PAQR3: variants seen among roughly 807,000 people sequenced by gnomAD.
PAQR3 encodes Raf kinase trapping to Golgi.
Under a neutral mutation model 41.7 loss-of-function variants are expected in PAQR3, and 39 were observed. That is an observed-to-expected ratio of 0.93 (90% CI 0.72 to 1.22). The LOEUF (loss-of-function observed/expected upper bound fraction) is 1.22. Among genes scored for constraint, PAQR3 ranks in the 50% most tolerant of loss-of-function variants. The probability of loss-of-function intolerance (pLI) is 0.00; values close to 1 mark genes in which losing one functional copy is unlikely to be tolerated. For synonymous variants in PAQR3, 140 were observed against 140.6 expected (o/e 1.00, Z 0.03); for missense variants, 366 against 385.6 (o/e 0.95, Z 0.42).
At chr4:78,930,899 T>C (rs1271633555) in intron 2 of PAQR3, among the ~76,000 whole-genome samples, 3 of 146,256 alleles carry the variant, frequency 2.1e-5, no homozygotes, top group Admixed American at 6.8e-5. Context: ...TATATATATA[T>C]ATATATACAC....
chr4:78,917,631 G>A lies in PAQR3; in HGVS notation c.*2908C>T, dbSNP rs1402645242. On this transcript the variant is annotated 3_prime_UTR_variant, in exon 6 of 6. Coordinates refer to ENST00000512733, the MANE Select transcript of PAQR3 (RefSeq NM_001040202.2). ...TGATTCTTTACACACTTGGGCAGAA[G>A]TAGAATTCCCAGGAATGATGATTTA... is the stretch of plus-strand genomic sequence containing the variant. The A allele has an allele frequency of 1.0e-5, 2 of 192,036 alleles. No individual in the cohort carries two copies. Among genetic ancestry groups the A allele is most frequent in the African/African-American group, 4.8e-5 (2 of 42,040 alleles). 11.9% of individuals were successfully genotyped at this position (192,036 alleles called of 1,614,324 possible).
intron 11 of PAQR3, among the ~76,000 whole-genome samples, chr4:78,893,100 C>T (rs1733527760): frequency 6.6e-6 from 1 of 152,120 alleles, no homozygotes; most frequent in Non-Finnish European, 1.5e-5. Flanking sequence ...GAGTTAATTC[C>T]CTCAAACCAT....
At chr4:78,910,481 A>T (rs1466134589), downstream of PAQR3, 5 of 775,014 alleles carry the variant, frequency 6.5e-6, no homozygotes, top group Non-Finnish European at 1.0e-5. Flanking sequence ...AATTGACAAC[A>T]TTATTTTTTC....
At chr4:78,911,748 C>A, downstream of PAQR3, 1 of 1,613,986 alleles carries the variant, frequency 6.2e-7, no homozygotes, top group Non-Finnish European at 8.5e-7. Context: ...GCCTGTTGGA[C>A]CCCTTCGGTG....
Position 78,919,955 on chromosome 4 carries a change from A to G in PAQR3, c.*584T>C, listed in dbSNP as rs1735494371. ...CAGAAGTTTAAAGCTTTTGTTCTGGAAAACTAAAATATCTAATGTTCTTAG... is the reference window on the plus strand; with the variant it reads ...CAGAAGTTTAAAGCTTTTGTTCTGGGAAACTAAAATATCTAATGTTCTTAG... On this transcript the variant is annotated 3_prime_UTR_variant, in exon 6 of 6. Transcript: ENST00000512733. 1.0e-5 allele frequency: 10 copies of G among 985,320 alleles called. No homozygotes were observed. The highest frequency in any genetic ancestry group is 9.4e-5 in the South Asian group (2 of 21,272). The allele number at this position is 985,320 out of a possible 1,614,324, so 61.0% of individuals were successfully genotyped here. A position where few individuals can be genotyped will look rare whatever the true frequency, so the allele number is the denominator to read the frequency against.
At position 78,926,584 on chromosome 4, in the gene PAQR3, A is replaced by G; in HGVS notation, c.639T>C (p.Tyr213=). 1 of 1,614,052 alleles carries G rather than the reference A, an allele frequency of 6.2e-7. No individual in the cohort carries two copies. Among genetic ancestry groups the G allele is most frequent in the Non-Finnish European group, 8.5e-7 (1 of 1,179,946 alleles). ...RSIIFCSVSG[Y]GVIPTLHWVW... ...CCCAGTGAAGAGTAGGAATCACTCC[A>G]TATCCCGAAACAGAACAAAAGATGA... is the stretch of plus-strand genomic sequence containing the variant. Residue 213 remains tyrosine, a synonymous_variant, in exon 4 of 6, where the codon TAT becomes TAC. Transcript: ENST00000512733.
chr4:78,923,930 T>C lies in PAQR3; in HGVS notation c.720A>G (p.Val240=). 6.2e-7 allele frequency: 1 copy of C among 1,613,118 alleles called. No individual in the cohort carries two copies. Among genetic ancestry groups the C allele is most frequent in the Non-Finnish European group, 8.5e-7 (1 of 1,179,238 alleles). The change falls in exon 5 of 6, where the codon GTA becomes GTG. Residue 240 remains valine (V), a synonymous_variant. Transcript: ENST00000512733. ...APIVQDFAPR[V]IVMYMIALLA... ...GAAGAGCAATCATATACATCACAAT[T>C]ACACGGGGTGCAAAGTCCTGAAAAG...
Position 78,916,134 on chromosome 4 carries a change from T to C in PAQR3, c.*4405A>G, listed in dbSNP as rs1735042900. On this transcript the variant is annotated 3_prime_UTR_variant, in exon 6 of 6. Transcript: ENST00000512733. ...ATATAGCTGGGAAACAATTATGAGA[T>C]AGACTCAGTCTCCCCCTCCCACCCC... 6.6e-6 allele frequency: 1 copy of C among 151,918 alleles called. No individual in the cohort carries two copies. Among genetic ancestry groups the C allele is most frequent in the African/African-American group, 2.4e-5 (1 of 41,420 alleles). The allele number at this position is 151,918 out of a possible 1,614,324, so 9.4% of individuals were successfully genotyped here. A position where few individuals can be genotyped will look rare whatever the true frequency, so the allele number is the denominator to read the frequency against.
downstream of PAQR3, among the ~76,000 whole-genome samples, chr4:78,907,612 C>T (rs754214281): frequency 3.3e-5 from 5 of 152,138 alleles, no homozygotes; most frequent in Non-Finnish European, 7.4e-5. Flanking sequence ...GTAGTGAAGA[C>T]AATTTGGGAA....
rs915805931 is a variant in PAQR3 at position 78,917,254 on chromosome 4, A to G, written c.*3285T>C. 6.6e-6 allele frequency: 1 copy of G among 151,962 alleles called. No individual in the cohort carries two copies. The highest frequency in any genetic ancestry group is 1.5e-5 in the Non-Finnish European group (1 of 67,888). The allele number at this position is 151,962 out of a possible 1,614,324, so 9.4% of individuals were successfully genotyped here. ...AGCTTGAGCTTGTATTTGTTGTTAC[A>G]TATTAAATGAGATAGTTCAGATGGT... On this transcript the variant is annotated 3_prime_UTR_variant, in exon 6 of 6. Coordinates refer to ENST00000512733, the MANE Select transcript of PAQR3 (RefSeq NM_001040202.2).
rs1255423153 is a variant in PAQR3 at position 78,918,927 on chromosome 4, C to A, written c.*1612G>T. 4.1e-6 allele frequency: 4 copies of A among 984,870 alleles called. No homozygotes were observed. Among genetic ancestry groups the A allele is most frequent in the Non-Finnish European group, 4.8e-6 (4 of 829,712 alleles). The allele number at this position is 984,870 out of a possible 1,614,324, so 61.0% of individuals were successfully genotyped here. On this transcript the variant is annotated 3_prime_UTR_variant, in exon 6 of 6. Coordinates refer to ENST00000512733, the MANE Select transcript of PAQR3 (RefSeq NM_001040202.2). Reference sequence around the variant, plus strand: ...ATCTTCTATCACTTAACATATGGATCAAAATTTTAACCTTATAAGGTAAAA... The same window carrying A: ...ATCTTCTATCACTTAACATATGGATAAAAATTTTAACCTTATAAGGTAAAA...
chr4:78,910,591 T>C (rs766720967), downstream of PAQR3: 40 of 1,482,202 alleles, frequency 2.7e-5, no homozygotes, highest in South Asian at 5.5e-4. Context: ...GCTGTAATAA[T>C]ATTTATTTGA....
At chr4:78,906,767 A>G (rs920436916) in intron 10 of PAQR3, among the ~76,000 whole-genome samples, 1 of 152,104 alleles carries the variant, frequency 6.6e-6, no homozygotes, top group Non-Finnish European at 1.5e-5. Context: ...AAAATAATTG[A>G]ATTTGGCCAT....
intron 2 of PAQR3, among the ~76,000 whole-genome samples, chr4:78,934,013 A>G (rs574973570): frequency 6.6e-6 from 1 of 152,328 alleles, no homozygotes; most frequent in African/African-American, 2.4e-5. Context: ...AAATTGATTC[A>G]TTTCCATTAT....
downstream of PAQR3, chr4:78,910,999 T>A (rs548889565): frequency 1.9e-4 from 312 of 1,613,666 alleles, no homozygotes; most frequent in Non-Finnish European, 2.5e-4. Flanking sequence ...TGACATGAGC[T>A]CTGTCTACAG....
At chr4:78,911,270 A>G, downstream of PAQR3, 6 of 1,614,002 alleles carry the variant, frequency 3.7e-6, no homozygotes, top group Non-Finnish European at 5.1e-6. Context: ...AAGAAGGTGA[A>G]TGTACAAGAA....
rs528193102 is a variant in PAQR3, at chr4:78,937,486, CA to C, written c.185+1553del. On this transcript the variant is annotated intron_variant, in intron 1 of 5. Coordinates refer to ENST00000512733, the MANE Select transcript of PAQR3 (RefSeq NM_001040202.2). Reference sequence around the variant, plus strand: ...TTCGTATTCTGTTCAGTTTTAAAATCAAATAATCATCTTCATTATCATCATC... The same window carrying C: ...TTCGTATTCTGTTCAGTTTTAAAATCAATAATCATCTTCATTATCATCATC... Among the ~76,000 whole-genome samples the C allele has an allele frequency of 2.6e-3, 394 of 152,306 alleles. 1 individual carries two copies. Among genetic ancestry groups the C allele is most frequent in the Non-Finnish European group, 4.4e-3 (302 of 68,020 alleles).
Position 78,913,355 on chromosome 4 carries a change from C to T in PAQR3, c.*7184G>A, listed in dbSNP as rs779270327. ...ATTTGCCTTTTTTTACACCACAAAT[C>T]CTAATTAGAAACTTGAGGTTTTATA... On this transcript the variant is annotated 3_prime_UTR_variant, in exon 6 of 6. Transcript: ENST00000512733. 1 of 152,084 alleles carries T rather than the reference C, an allele frequency of 6.6e-6. No homozygotes were observed. Among genetic ancestry groups the T allele is most frequent in the Non-Finnish European group, 1.5e-5 (1 of 67,970 alleles). The allele number at this position is 152,084 out of a possible 1,614,324, so 9.4% of individuals were successfully genotyped here. A position where few individuals can be genotyped will look rare whatever the true frequency, so the allele number is the denominator to read the frequency against.
rs756081826 is a variant in PAQR3, at chr4:78,930,213, C to T, written c.461G>A (p.Gly154Asp). 2 of 1,613,426 alleles carry T rather than the reference C, an allele frequency of 1.2e-6. No homozygotes were observed. The highest frequency in any genetic ancestry group is 2.2e-5 in the East Asian group (1 of 44,846). Residue 154 changes from glycine to aspartate, a missense_variant, in exon 3 of 6, where the codon GGC becomes GAC. Gly to Asp is a moderately conservative substitution (Grantham distance 94). Coordinates refer to ENST00000512733, the MANE Select transcript of PAQR3 (RefSeq NM_001040202.2). ...GTAAAATACTCCTGAGACATAGCAG[C>T]CCAGTATTCCAATAGAAATTCCTGC... ...DYAGISIGIL[G>D]CYVSGVFYAF...
Sources: gnomAD v4.1 joint callset for allele counts (sites outside exome capture counted in the v4.1 genomes callset) on GRCh38, gnomAD v4.1.1 for gene constraint, MANE v1.5 for transcripts, NCBI Gene and HGNC (gene_info 2026-07-23, HGNC 2026-07-21) for gene names.